DEFB119: variants seen among roughly 807,000 people sequenced by gnomAD.
The protein encoded by DEFB119 is defensin beta 119, also known as beta-defensin 119.
DEFB119 carries 3 observed loss-of-function variants against 2.5 expected under a neutral mutation model. The ratio of observed to expected loss-of-function variants is 1.19; its 90% CI spans 0.54 to 3.07. The LOEUF is 3.07. Ranked by LOEUF, DEFB119 falls within the 30% of genes most tolerant of loss-of-function variation. The pLI is 0.03. For missense variants in DEFB119, 113 were observed against 101.1 expected, an observed-to-expected ratio of 1.12 and a Z score of -0.50; for synonymous variants, 29 against 33.7, an observed-to-expected ratio of 0.86 and a Z score of 0.48.
chr20:31,388,648 T>C (rs1316544085), intron 1 of DEFB119, among the ~76,000 whole-genome samples: 1 of 152,202 alleles, frequency 6.6e-6, no homozygotes, highest in East Asian at 1.9e-4. Context: ...ATTTGGGTTA[T>C]ATTCAGCCCC....
chr20:31,388,175 T>G, intron 1 of DEFB119: 2 of 984,168 alleles, frequency 2.0e-6, no homozygotes, highest in Non-Finnish European at 1.2e-6. Flanking sequence ...CATGAGTGAG[T>G]CTTCTCCCCA....
At chr20:31,388,033 G>A (rs1168734012) in intron 1 of DEFB119, 11 of 984,820 alleles carry the variant, frequency 1.1e-5, no homozygotes, top group Non-Finnish European at 1.3e-5. Flanking sequence ...TGGCCTCACT[G>A]CAGAGGACGC....
intron 1 of DEFB119, among the ~76,000 whole-genome samples, chr20:31,379,663 T>G (rs1428763047): frequency 4.3e-4 from 2 of 4,634 alleles, no homozygotes; most frequent in African/African-American, 1.5e-3. Context: ...CCAACTAATT[T>G]TTTTTTTTTT....
Position 31,390,572 on chromosome 20 carries a change from T to C in DEFB119, c.-89A>G, listed in dbSNP as rs1429441690. On this transcript the variant is annotated 5_prime_UTR_variant, in exon 1 of 2. The change creates a new upstream start codon in the 5' untranslated region. Coordinates refer to ENST00000376321, the MANE Select transcript of DEFB119 (RefSeq NM_153289.4). Reference sequence around the variant, plus strand: ...GCACGGCAGAGATGAGCTTTGCTTTTATCAGCAGGGCTGTGGGCAGTGAAT... The same window carrying C: ...GCACGGCAGAGATGAGCTTTGCTTTCATCAGCAGGGCTGTGGGCAGTGAAT... 2 of 1,296,078 alleles carry C rather than the reference T, an allele frequency of 1.5e-6. No individual in the cohort carries two copies. Among genetic ancestry groups the C allele is most frequent in the Non-Finnish European group, 2.2e-6 (2 of 906,960 alleles). 80.3% of individuals were successfully genotyped at this position (1,296,078 alleles called of 1,614,324 possible). A position where few individuals can be genotyped will look rare whatever the true frequency, so the allele number is the denominator to read the frequency against.
At chr20:31,383,712 A>T (rs956136300) in intron 1 of DEFB119, among the ~76,000 whole-genome samples, 2 of 151,460 alleles carry the variant, frequency 1.3e-5, no homozygotes, top group Non-Finnish European at 2.9e-5. Flanking sequence ...GCATGGTGGC[A>T]GGCGCCTGTA....
intron 1 of DEFB119, among the ~76,000 whole-genome samples, chr20:31,378,889 A>G (rs1986400838): frequency 6.6e-6 from 1 of 152,218 alleles, no homozygotes; most frequent in African/African-American, 2.4e-5. Context: ...TGCTTCTAGC[A>G]ATAATAAAAT....
At chr20:31,383,567 G>A (rs955811506) in intron 1 of DEFB119, among the ~76,000 whole-genome samples, 1 of 148,460 alleles carries the variant, frequency 6.7e-6, no homozygotes, top group Non-Finnish European at 1.5e-5. Flanking sequence ...CAGGTGTGGT[G>A]GCTCACACCT....
intron 1 of DEFB119, among the ~76,000 whole-genome samples, chr20:31,379,206 CT>C (rs1173951813): frequency 6.6e-6 from 1 of 152,084 alleles, no homozygotes; most frequent in Non-Finnish European, 1.5e-5. Flanking sequence ...CCAAAGTCCA[CT>C]GCACCCAGCC....
At chr20:31,386,371 A>T (rs1377793482) in intron 1 of DEFB119, among the ~76,000 whole-genome samples, 1 of 152,186 alleles carries the variant, frequency 6.6e-6, no homozygotes, top group East Asian at 1.9e-4. Context: ...TGAAAAGATT[A>T]TGCAGCTCCT....
intron 1 of DEFB119, chr20:31,388,916 C>G (rs151051085): frequency 8.6e-6 from 13 of 1,516,232 alleles, no homozygotes; most frequent in African/African-American, 8.3e-5. Context: ...GCCATCCCCC[C>G]ACCCTCAATC....
chr20:31,382,860 T>C (rs960313004), intron 1 of DEFB119, among the ~76,000 whole-genome samples: 4 of 152,206 alleles, frequency 2.6e-5, no homozygotes, highest in African/African-American at 9.6e-5. Context: ...GTTTGGGGGA[T>C]TGATGGAAAG....
intron 1 of DEFB119, among the ~76,000 whole-genome samples, chr20:31,385,530 G>C (rs1019798021): frequency 6.6e-6 from 1 of 152,068 alleles, no homozygotes; most frequent in Non-Finnish European, 1.5e-5. Context: ...ACATAGCAAG[G>C]GTCAATGAGA....
chr20:31,379,609 T>C (rs756109073), intron 1 of DEFB119, among the ~76,000 whole-genome samples: 3 of 151,950 alleles, frequency 2.0e-5, no homozygotes, highest in Non-Finnish European at 4.4e-5. Flanking sequence ...TTCTCCTGTC[T>C]CAGTCTCCTG....
chr20:31,378,191 CAGAG>C (rs1169836081), intron 1 of DEFB119, among the ~76,000 whole-genome samples: 1 of 152,180 alleles, frequency 6.6e-6, no homozygotes, highest in Non-Finnish European at 1.5e-5. Flanking sequence ...GGGGTGGTGA[CAGAG>C]AGGGCCTAGT....
intron 1 of DEFB119, among the ~76,000 whole-genome samples, chr20:31,384,683 G>A (rs1051756829): frequency 1.3e-5 from 2 of 152,188 alleles, no homozygotes; most frequent in African/African-American, 4.8e-5. Flanking sequence ...TAGTCTGCAA[G>A]TGTGCTAATT....
intron 1 of DEFB119, chr20:31,389,254 T>C (rs1273871732): frequency 6.2e-7 from 1 of 1,613,678 alleles, no homozygotes; most frequent in South Asian, 1.1e-5. Flanking sequence ...GAACAACAAT[T>C]AAGCAGATGT....
Position 31,385,963 on chromosome 20 carries a change from G to A in DEFB119, c.61+4460C>T, listed in dbSNP as rs554956102. On this transcript the variant is annotated intron_variant, in intron 1 of 1. Coordinates refer to ENST00000376321, the MANE Select transcript of DEFB119 (RefSeq NM_153289.4). ...ACTGAGCTATGAAGGATGAGAAGGC[G>A]TTCATCACAGAGGTGAGCTGAGTGT... Among the ~76,000 whole-genome samples the A allele has an allele frequency of 3.0e-3, 458 of 152,198 alleles. 4 individuals are homozygous for A. The highest frequency in any genetic ancestry group is 3.4e-3 in the Middle Eastern group (1 of 294).
intron 1 of DEFB119, among the ~76,000 whole-genome samples, chr20:31,389,668 AAGCCTC>A (rs1986851432): frequency 6.6e-6 from 1 of 152,050 alleles, no homozygotes; most frequent in African/African-American, 2.4e-5. Flanking sequence ...TAAGCCCAAC[AAGCCTC>A]AGCTCCAGCC....
chr20:31,377,366 G>A lies in DEFB119; in HGVS notation c.135C>T (p.Pro45=), dbSNP rs201526799. 46 of 1,614,124 alleles carry A rather than the reference G, an allele frequency of 2.8e-5. No homozygotes were observed. The highest frequency in any genetic ancestry group is 3.9e-5 in the Non-Finnish European group (46 of 1,180,004). ...CRASCKKNEQ[P]YLYCRNCQSC... ...ACTGACAATTTCTGCAATAGAGGTA[G>A]GGCTGTTCGTTCTTTTTGCAAGAGG... The change falls in exon 2 of 2, where the codon CCC becomes CCT. Residue 45 remains proline, a synonymous_variant. Transcript: ENST00000376321.
Sources: gnomAD v4.1 joint callset for allele counts (sites outside exome capture counted in the v4.1 genomes callset) on GRCh38, gnomAD v4.1.1 for gene constraint, MANE v1.5 for transcripts, NCBI Gene and HGNC (gene_info 2026-07-23, HGNC 2026-07-21) for gene names.